The following BTD variants were observed in gnomAD, a reference collection of about 807,000 sequenced individuals.
BTD encodes the protein biotinidase.
In BTD, 13 loss-of-function variants were observed where a neutral mutation model predicts 17.7. That is an observed-to-expected ratio of 0.74 (90% CI 0.48 to 1.17). The LOEUF (loss-of-function observed/expected upper bound fraction) is 1.17, where lower values mean the gene tolerates loss of function less well. Ranked by LOEUF, BTD falls within the 50% of genes most tolerant of loss-of-function variation. The pLI is 0.00. For synonymous variants in BTD, 240 were observed against 245.2 expected (o/e 0.98, Z 0.20); for missense variants, 674 against 650.4 (o/e 1.04, Z -0.39).
At chr3:15,713,339 T>C (rs2072577742), downstream of BTD, among the ~76,000 whole-genome samples, 1 of 152,200 alleles carries the variant, frequency 6.6e-6, no homozygotes, top group East Asian at 1.9e-4. Flanking sequence ...AAAAATACAC[T>C]GGCTTACCAA....
intron 3 of BTD, among the ~76,000 whole-genome samples, chr3:15,677,844 AATTT>A (rs1253508230): frequency 6.6e-6 from 1 of 152,194 alleles, no homozygotes; most frequent in Non-Finnish European, 1.5e-5. Flanking sequence ...GATTTAAAGT[AATTT>A]ATTTAACCCT....
At chr3:15,634,240 T>C (rs908815640) in intron 1 of BTD, among the ~76,000 whole-genome samples, 2 of 152,236 alleles carry the variant, frequency 1.3e-5, no homozygotes, top group Non-Finnish European at 2.9e-5. Context: ...ACAGGAGTTA[T>C]GAGTTGAGAC....
At chr3:15,674,073 G>A (rs1269673200) in intron 3 of BTD, among the ~76,000 whole-genome samples, 4 of 147,166 alleles carry the variant, frequency 2.7e-5, no homozygotes, top group Admixed American at 2.1e-4. Context: ...TTGGGAGGCT[G>A]AGGTGAGAGG....
Position 15,652,153 on chromosome 3 carries a change from C to A in BTD, c.*6665C>A, listed in dbSNP as rs975756310. Reference sequence around the variant, plus strand: ...ACCAGTCTGGCCAATATGGTGAAACCCTGTCTCTATTGAAAATACAAAAAT... The same window carrying A: ...ACCAGTCTGGCCAATATGGTGAAACACTGTCTCTATTGAAAATACAAAAAT... On this transcript the variant is annotated 3_prime_UTR_variant, in exon 4 of 4. Transcript: ENST00000643237. 1.3e-5 allele frequency among the ~76,000 whole-genome samples: 2 copies of A among 152,172 alleles called. No individual in the cohort carries two copies. The highest frequency in any genetic ancestry group is 2.9e-5 in the Non-Finnish European group (2 of 68,030).
intron 3 of BTD, chr3:15,695,122 T>C: frequency 2.3e-6 from 3 of 1,286,142 alleles, no homozygotes; most frequent in East Asian, 2.4e-5. Flanking sequence ...AGCAAACAGA[T>C]AAACATAACT....
At chr3:15,720,025 A>G (rs2073528979) in intron 4 of BTD, among the ~76,000 whole-genome samples, 1 of 152,042 alleles carries the variant, frequency 6.6e-6, no homozygotes. Context: ...ATGAGCCACC[A>G]TGCCAAGCTC....
At chr3:15,686,041 A>T (rs1232301129) in intron 3 of BTD, 1 of 1,613,776 alleles carries the variant, frequency 6.2e-7, no homozygotes, top group South Asian at 1.1e-5. Context: ...TATCTTTGGC[A>T]TCTACATTTG....
intron 1 of BTD, among the ~76,000 whole-genome samples, chr3:15,627,922 A>G (rs767328108): frequency 2.0e-5 from 3 of 152,122 alleles, no homozygotes; most frequent in Non-Finnish European, 4.4e-5. Flanking sequence ...GGGTTTCACC[A>G]TGTTGGCTAG....
Position 15,652,767 on chromosome 3 carries a change from C to G in BTD, c.*7279C>G, listed in dbSNP as rs1257588681. 1.3e-5 allele frequency among the ~76,000 whole-genome samples: 2 copies of G among 152,190 alleles called. No individual in the cohort carries two copies. Among genetic ancestry groups the G allele is most frequent in the Non-Finnish European group, 2.9e-5 (2 of 68,026 alleles). On this transcript the variant is annotated 3_prime_UTR_variant, in exon 4 of 4. Transcript: ENST00000643237. ...TCCAACACTCAATCTCCCAGCTATCCTGACTGCTCCTATACAGGTATCTCT... is the reference window on the plus strand; with the variant it reads ...TCCAACACTCAATCTCCCAGCTATCGTGACTGCTCCTATACAGGTATCTCT...
downstream of BTD, among the ~76,000 whole-genome samples, chr3:15,722,393 TG>T (rs2073825437): frequency 6.6e-6 from 1 of 152,218 alleles, no homozygotes; most frequent in African/African-American, 2.4e-5. Flanking sequence ...CCTGACTCCG[TG>T]AAGAGTGGAC....
chr3:15,677,726 TTGTA>T (rs1182358277), intron 3 of BTD: 1 of 472,566 alleles, frequency 2.1e-6, no homozygotes, highest in East Asian at 3.3e-5. Flanking sequence ...CTTCATATAA[TTGTA>T]TGAGACAATT....
chr3:15,610,970 A>C (rs557690697), intron 1 of BTD, among the ~76,000 whole-genome samples: 1 of 151,986 alleles, frequency 6.6e-6, no homozygotes, highest in South Asian at 2.1e-4. Flanking sequence ...AAAAAAAAAA[A>C]CAGGACTCCA....
intron 1 of BTD, among the ~76,000 whole-genome samples, chr3:15,604,974 G>A (rs1195556820): frequency 6.6e-6 from 1 of 152,084 alleles, no homozygotes; most frequent in African/African-American, 2.4e-5. Flanking sequence ...AAGTCTCTAG[G>A]AAGTTCCAGA....
At chr3:15,715,489 C>T (rs530796558), downstream of BTD, among the ~76,000 whole-genome samples, 1 of 152,224 alleles carries the variant, frequency 6.6e-6, no homozygotes, top group Non-Finnish European at 1.5e-5. Flanking sequence ...GTGTTTGATT[C>T]CATAATATGA....
intron 1 of BTD, chr3:15,631,433 C>T (rs971502394): frequency 6.5e-7 from 1 of 1,532,376 alleles, no homozygotes; most frequent in Non-Finnish European, 8.7e-7. Flanking sequence ...TCAGAAGACA[C>T]TATTGTAATA....
chr3:15,649,686 A>G lies in BTD; in HGVS notation c.*4198A>G, dbSNP rs1386027445. Among the ~76,000 whole-genome samples, 1 of 152,208 alleles carries G rather than the reference A, an allele frequency of 6.6e-6. No homozygotes were observed. Among genetic ancestry groups the G allele is most frequent in the Non-Finnish European group, 1.5e-5 (1 of 68,042 alleles). ...GCCCCTGTACTGTTGTCTGCTTGAA[A>G]TGGCGTCTTCTGATGAACACTCATC... is the stretch of plus-strand genomic sequence containing the variant. On this transcript the variant is annotated 3_prime_UTR_variant, in exon 4 of 4. Transcript: ENST00000643237.
At chr3:15,640,500 C>T (rs906081903) in intron 2 of BTD, among the ~76,000 whole-genome samples, 41 of 152,024 alleles carry the variant, frequency 2.7e-4, no homozygotes, top group African/African-American at 9.7e-4. Flanking sequence ...CAGTGATTCT[C>T]CAGCCTCAGC....
intron 3 of BTD, among the ~76,000 whole-genome samples, chr3:15,662,275 T>A (rs988380834): frequency 6.6e-6 from 1 of 152,242 alleles, no homozygotes; most frequent in Non-Finnish European, 1.5e-5. Context: ...TTATTTTTTC[T>A]TTGATTTCTA....
chr3:15,644,919 G>T lies in BTD; in HGVS notation c.1003G>T (p.Asp335Tyr). Residue 335 changes from aspartate to tyrosine, a missense_variant, in exon 4 of 4, where the codon GAC becomes TAC. Coordinates refer to ENST00000643237, the MANE Select transcript of BTD (RefSeq NM_001370658.1). ...TGCAGAGAATGCAACAGGTGAAACG[G>T]ACCCATCCCATAGTAAGTTTTTAAA... ...IGAENATGET[D>Y]PSHSKFLKIL... 1 of 1,614,076 alleles carries T rather than the reference G, an allele frequency of 6.2e-7. No homozygotes were observed. Among genetic ancestry groups the T allele is most frequent in the Non-Finnish European group, 8.5e-7 (1 of 1,180,020 alleles).
Sources: gnomAD v4.1 joint callset for allele counts (sites outside exome capture counted in the v4.1 genomes callset) on GRCh38, gnomAD v4.1.1 for gene constraint, MANE v1.5 for transcripts, NCBI Gene and HGNC (gene_info 2026-07-23, HGNC 2026-07-21) for gene names.